Variants in ADAM12 observed in about 807,000 individuals in gnomAD.
ADAM12 encodes ADAM metallopeptidase domain 12, also known as disintegrin and metalloproteinase domain-containing protein 12.
Under a neutral mutation model 106.4 loss-of-function variants are expected in ADAM12, and 70 were observed. That is an observed-to-expected ratio of 0.66 (90% CI 0.54 to 0.80). The LOEUF (loss-of-function observed/expected upper bound fraction) is 0.80, where lower values mean the gene tolerates loss of function less well. Among genes scored for constraint, ADAM12 ranks in the 30% least tolerant of loss-of-function variants. The pLI, the probability that ADAM12 is intolerant of heterozygous loss-of-function variation, is 0.00. For synonymous variants in ADAM12, 420 were observed against 433.5 expected (o/e 0.97, Z 0.39); for missense variants, 1,010 against 1,171.9 (o/e 0.86, Z 2.02).
At chr10:126,099,402 C>G (rs1955617707) in intron 9 of ADAM12, among the ~76,000 whole-genome samples, 1 of 151,838 alleles carries the variant, frequency 6.6e-6, no homozygotes, top group South Asian at 2.1e-4. Flanking sequence ...CCCTCCCTCC[C>G]TCTCTATCCA....
intron 14 of ADAM12, among the ~76,000 whole-genome samples, chr10:126,059,295 T>C (rs1453786905): frequency 6.6e-6 from 1 of 151,838 alleles, no homozygotes; most frequent in Non-Finnish European, 1.5e-5. Context: ...AGCTCCTCCT[T>C]CCCTGTGTCA....
intron 10 of ADAM12, 138 bp from the exon 11 acceptor site, chr10:126,094,271 G>T (rs141985608): frequency 1.2e-6 from 1 of 850,774 alleles, no homozygotes. Flanking sequence ...AAGGTAAAAC[G>T]CTATCATTTA....
intron 3 of ADAM12, among the ~76,000 whole-genome samples, chr10:126,183,838 C>T (rs1957355868): frequency 6.6e-6 from 1 of 152,152 alleles, no homozygotes; most frequent in Admixed American, 6.5e-5. Context: ...GTTTTGAAAT[C>T]CAAACACGGA....
intron 11 of ADAM12, among the ~76,000 whole-genome samples, chr10:126,076,174 G>T (rs905133218): frequency 6.6e-6 from 1 of 152,192 alleles, no homozygotes; most frequent in East Asian, 1.9e-4. Flanking sequence ...GTGAGAACAC[G>T]TGGTATTTGA....
intron 3 of ADAM12, among the ~76,000 whole-genome samples, chr10:126,213,833 A>G (rs1388872045): frequency 2.0e-5 from 3 of 152,216 alleles, no homozygotes; most frequent in African/African-American, 7.2e-5. Context: ...TGTTTGGTTT[A>G]CCCCTTAAAG....
At chr10:126,019,116 TG>T (rs747489464) in intron 22 of ADAM12, among the ~76,000 whole-genome samples, 13 of 152,162 alleles carry the variant, frequency 8.5e-5, no homozygotes, top group Non-Finnish European at 1.9e-4. Context: ...TCATTAAATC[TG>T]GTTGTTTAAA....
intron 3 of ADAM12, among the ~76,000 whole-genome samples, chr10:126,238,358 T>A (rs2133644324): frequency 6.6e-6 from 1 of 152,250 alleles, no homozygotes; most frequent in South Asian, 2.1e-4. Context: ...TGCACACCTG[T>A]TATCCTAGCT....
At chr10:126,150,747 T>C (rs141002385) in intron 4 of ADAM12, among the ~76,000 whole-genome samples, 1 of 152,360 alleles carries the variant, frequency 6.6e-6, no homozygotes, top group Non-Finnish European at 1.5e-5. Context: ...TCTTCCATTC[T>C]GTCATCAGAG....
chr10:126,070,431 C>A (rs1398367641), intron 12 of ADAM12: 2 of 152,248 alleles, frequency 1.3e-5, no homozygotes, highest in East Asian at 1.9e-4. Flanking sequence ...AAGCTCATTC[C>A]TCCTGGTATG....
At chr10:126,311,094 TACACACACACACACACACACACACAC>T (rs67514376) in intron 2 of ADAM12, among the ~76,000 whole-genome samples, 2 of 138,572 alleles carry the variant, frequency 1.4e-5, no homozygotes, top group South Asian at 2.5e-4. Context: ...TACACACAAA[TACACACACACACACACACACACACAC>T]ACACACACAC....
chr10:126,365,439 A>G (rs1855876187), intron 1 of ADAM12, among the ~76,000 whole-genome samples: 1 of 152,184 alleles, frequency 6.6e-6, no homozygotes, highest in Non-Finnish European at 1.5e-5. Context: ...GAAGAACATA[A>G]AGGGGTGTAT....
intron 3 of ADAM12, among the ~76,000 whole-genome samples, chr10:126,209,385 T>A (rs1296579659): frequency 6.6e-6 from 1 of 152,242 alleles, no homozygotes; most frequent in Non-Finnish European, 1.5e-5. Context: ...GTGCTGTTCC[T>A]TTCTTGTCTT....
chr10:126,062,335 G>T (rs1427115145), intron 14 of ADAM12, among the ~76,000 whole-genome samples: 5 of 152,192 alleles, frequency 3.3e-5, no homozygotes, highest in Admixed American at 6.5e-5. Flanking sequence ...ACCAGGGAGA[G>T]AGTGGGTGGG....
intron 14 of ADAM12, among the ~76,000 whole-genome samples, chr10:126,052,507 G>A (rs1710285): frequency 0.54 from 82,855 of 152,032 alleles, 22,804 homozygotes; most frequent in Admixed American, 0.63. Flanking sequence ...CACAATTCAA[G>A]TATGTCAGTT....
At chr10:126,206,860 C>CCCGG (rs1957806969) in intron 3 of ADAM12, among the ~76,000 whole-genome samples, 12 of 97,822 alleles carry the variant, frequency 1.2e-4, no homozygotes, top group Non-Finnish European at 2.1e-4. Context: ...GTTGTGGGGG[C>CCCGG]GGGGGGGAGC....
At chr10:126,336,594 A>G (rs1309400593) in intron 1 of ADAM12, among the ~76,000 whole-genome samples, 3 of 152,238 alleles carry the variant, frequency 2.0e-5, no homozygotes, top group Admixed American at 2.0e-4. Context: ...TACTCTAGAA[A>G]ACACAGAAAC....
At chr10:126,055,994 G>T (rs1034653466) in intron 14 of ADAM12, among the ~76,000 whole-genome samples, 1 of 152,134 alleles carries the variant, frequency 6.6e-6, no homozygotes, top group Non-Finnish European at 1.5e-5. Context: ...TGAAAAATTC[G>T]GAGTAGAATG....
At chr10:126,124,615 G>A (rs961725332) in intron 5 of ADAM12, among the ~76,000 whole-genome samples, 1 of 151,972 alleles carries the variant, frequency 6.6e-6, no homozygotes, top group African/African-American at 2.4e-5. Flanking sequence ...ACCAAGGGCT[G>A]GGCATGGTGG....
chr10:126,218,370 C>T (rs141412567), intron 3 of ADAM12, among the ~76,000 whole-genome samples: 3 of 152,224 alleles, frequency 2.0e-5, no homozygotes, highest in African/African-American at 7.2e-5. Context: ...ATTCTTATGC[C>T]CATTTTGCAG....
Sources: allele counts gnomAD v4.1 joint callset (sites outside exome capture counted in the v4.1 genomes callset), GRCh38; gene constraint gnomAD v4.1.1; transcripts MANE v1.5; gene names NCBI Gene and HGNC (gene_info 2026-07-23, HGNC 2026-07-21).